The following GLIS2 variants were observed in gnomAD, a reference collection of about 807,000 sequenced individuals.
GLIS2 encodes the protein GLIS family zinc finger 2, also known as zinc finger protein GLIS2.
GLIS2 carries 14 observed loss-of-function variants against 35.6 expected under a neutral mutation model. The observed-to-expected ratio is 0.39, with a 90% CI of 0.26 to 0.61. The LOEUF is 0.61. Ranked by LOEUF, GLIS2 falls within the 20% of genes least tolerant of loss-of-function variation. The pLI is 0.48. For synonymous variants in GLIS2, 368 were observed against 325.1 expected (o/e 1.13, Z -1.42); for missense variants, 675 against 713.4 (o/e 0.95, Z 0.61).
Position 4,332,588 on chromosome 16 carries a change from C to G in GLIS2, c.172+136C>G, listed in dbSNP as rs2053509993. 2.0e-6 allele frequency: 2 copies of G among 1,016,676 alleles called. No individual in the cohort carries two copies. The highest frequency in any genetic ancestry group is 3.1e-5 in the African/African-American group (2 of 63,528). 63.0% of individuals were successfully genotyped at this position (1,016,676 alleles called of 1,614,324 possible). A position where few individuals can be genotyped will look rare whatever the true frequency, so the allele number is the denominator to read the frequency against. ...GTTCATGGGAAGCCCGCACGCTTGTCCTTCCATCCGCCCAGCATCGTATGT... is the reference window on the plus strand; with the variant it reads ...GTTCATGGGAAGCCCGCACGCTTGTGCTTCCATCCGCCCAGCATCGTATGT... On this transcript the variant is annotated intron_variant, in intron 2 of 6. Coordinates refer to ENST00000433375, the MANE Select transcript of GLIS2 (RefSeq NM_032575.3). The surrounding 1 kb of genome is among the most constrained non-coding windows in gnomAD (Gnocchi z 5.4).
chr16:4,323,621 G>A (rs1319544554), intron 1 of GLIS2, among the ~76,000 whole-genome samples: 1 of 152,188 alleles, frequency 6.6e-6, no homozygotes. Flanking sequence ...TGCTGGCGTT[G>A]GAGAAGGAAG....
rs1401553605 is a variant in GLIS2 at position 4,337,533 on chromosome 16, T to C, written c.*9T>C. ...CGGCTGTGGTGAACTGAGCCCATCC[T>C]GCGGACAGTTGTGGTGCCCCCCCGG... is the stretch of plus-strand genomic sequence containing the variant. On this transcript the variant is annotated 3_prime_UTR_variant, in exon 7 of 7. Transcript: ENST00000433375. The C allele has an allele frequency of 1.3e-6, 2 of 1,550,450 alleles. No homozygotes were observed. Among genetic ancestry groups the C allele is most frequent in the Admixed American group, 3.8e-5 (2 of 52,604 alleles).
chr16:4,336,954 C>T lies in GLIS2; in HGVS notation c.1005C>T (p.Pro335=). 1 of 1,610,138 alleles carries T rather than the reference C, an allele frequency of 6.2e-7. No individual in the cohort carries two copies. Among genetic ancestry groups the T allele is most frequent in the Non-Finnish European group, 8.5e-7 (1 of 1,179,202 alleles). ...AGCTCCTGCAGCTGCGCCCACCCCC[C>T]AAGCCGCCACTGCCCGCCCCCGACG... ...QQELLQLRPP[P]KPPLPAPDGG... is the part of the protein sequence containing the mutation. The change falls in exon 7 of 7, where the codon CCC becomes CCT. Residue 335 remains proline, a synonymous_variant. Coordinates refer to ENST00000433375, the MANE Select transcript of GLIS2 (RefSeq NM_032575.3).
At chr16:4,316,571 G>A (rs1416087921) in intron 1 of GLIS2, among the ~76,000 whole-genome samples, 1 of 151,974 alleles carries the variant, frequency 6.6e-6, no homozygotes, top group Non-Finnish European at 1.5e-5. Flanking sequence ...GGGAAGTTGG[G>A]CGGCCGCGGT....
chr16:4,336,741 C>T lies in GLIS2; in HGVS notation c.792C>T (p.Val264=). The T allele has an allele frequency of 6.2e-7, 1 of 1,605,348 alleles. No individual in the cohort carries two copies. Among genetic ancestry groups the T allele is most frequent in the Non-Finnish European group, 8.5e-7 (1 of 1,176,400 alleles). ...NRSHTGEKPY[V]CPYEGCNKRY... The stretch of plus-strand genomic sequence containing the variant: ...ACCCTGCAGGTGAGAAGCCCTACGT[C>T]TGCCCCTACGAGGGCTGCAACAAGC... The change falls in exon 7 of 7, where the codon GTC becomes GTT. Residue 264 remains valine, a synonymous_variant. Transcript: ENST00000433375.
chr16:4,333,549 G>T, intron 3 of GLIS2, 30 bp downstream of exon 3: 5 of 1,589,828 alleles, frequency 3.1e-6, no homozygotes, highest in Non-Finnish European at 4.3e-6. Context: ...CCGGAGAGAG[G>T]GGTGGACTGG....
intron 1 of GLIS2, among the ~76,000 whole-genome samples, chr16:4,328,804 G>A (rs2053465920): frequency 1.3e-5 from 2 of 152,234 alleles, no homozygotes; most frequent in South Asian, 4.1e-4. Context: ...CAGGCCCTAA[G>A]AACAAGGTGA....
chr16:4,333,140 G>C (rs1029923111), intron 2 of GLIS2, among the ~76,000 whole-genome samples: 3 of 152,168 alleles, frequency 2.0e-5, no homozygotes, highest in African/African-American at 7.2e-5. Context: ...CGGCTCACGG[G>C]GGCCAAGCTC....
chr16:4,324,342 G>C (rs1178616515), intron 1 of GLIS2, among the ~76,000 whole-genome samples: 3 of 152,214 alleles, frequency 2.0e-5, no homozygotes, highest in South Asian at 2.1e-4. Flanking sequence ...GAGGAGGCCT[G>C]TCTGCGGCCA....
chr16:4,332,422 A>C lies in GLIS2; in HGVS notation c.142A>C (p.Thr48Pro), dbSNP rs1477712531. 4 of 1,612,354 alleles carry C rather than the reference A, an allele frequency of 2.5e-6. No homozygotes were observed. Among genetic ancestry groups the C allele is most frequent in the East Asian group, 2.2e-5 (1 of 44,898 alleles). The change falls in exon 2 of 7, where the codon ACA becomes CCA. Residue 48 changes from threonine (T) to proline (P), a missense_variant. By Grantham distance (38) the Thr-to-Pro change is conservative. Transcript: ENST00000433375. This position sits in a 1 kb window ranked among gnomAD's most constrained non-coding sequence, Gnocchi z 5.4. ...RELGLVDDSP[T>P]PGSPGSPPSG... is the part of the protein sequence containing the mutation. ...GCTGGGCCTGGTGGATGACAGCCCC[A>C]CACCTGGCTCTCCAGGCTCCCCGCC...
chr16:4,336,513 C>A, intron 6 of GLIS2: 1 of 655,554 alleles, frequency 1.5e-6, no homozygotes, highest in South Asian at 1.7e-5. Context: ...CGAGGCTAGG[C>A]AGAGCTGGAG....
In GLIS2 at chr16:4,337,491, C is replaced by T. The variant is rs1418752710; in HGVS notation, c.1542C>T (p.Gly514=). 2 of 1,566,014 alleles carry T rather than the reference C, an allele frequency of 1.3e-6. No individual in the cohort carries two copies. The highest frequency in any genetic ancestry group is 1.7e-6 in the Non-Finnish European group (2 of 1,160,606). Reference sequence around the variant, plus strand: ...CTGGCTGGGTGGTCATCCCGCCGGGCTCGGTGCTGCTCAAACCGGCTGTGG... The same window carrying T: ...CTGGCTGGGTGGTCATCCCGCCGGGTTCGGTGCTGCTCAAACCGGCTGTGG... ...LAPGWVVIPP[G]SVLLKPAVVN is the part of the protein sequence containing the mutation. The change falls in exon 7 of 7, where the codon GGC becomes GGT. Residue 514 remains glycine (G), a synonymous_variant. Transcript: ENST00000433375.
chr16:4,333,468 G>C lies in GLIS2; in HGVS notation c.294G>C (p.Leu98=). The change falls in exon 3 of 7, where the codon CTG becomes CTC. Residue 98 remains leucine (L), a synonymous_variant. Transcript: ENST00000433375. ...ACTCCCCCAATGGCAGCAGCTCGCTGTCCCCCGAGCGCCAGGGCAACGGGG... is the reference window on the plus strand; with the variant it reads ...ACTCCCCCAATGGCAGCAGCTCGCTCTCCCCCGAGCGCCAGGGCAACGGGG... The part of the protein sequence containing the change: ...GLDSPNGSSS[L]SPERQGNGDL... The C allele has an allele frequency of 1.2e-6, 2 of 1,612,644 alleles. No individual in the cohort carries two copies. The highest frequency in any genetic ancestry group is 1.7e-6 in the Non-Finnish European group (2 of 1,179,896).
intron 1 of GLIS2, among the ~76,000 whole-genome samples, chr16:4,325,070 C>G (rs909272261): frequency 6.6e-6 from 1 of 152,174 alleles, no homozygotes; most frequent in African/African-American, 2.4e-5. Flanking sequence ...GCTGTGGGGC[C>G]GTTTGCTTTG....
At chr16:4,334,263 G>C (rs183446827) in intron 3 of GLIS2, among the ~76,000 whole-genome samples, 3,558 of 138,702 alleles carry the variant, frequency 0.026, 165 homozygotes, top group African/African-American at 0.092. Context: ...TTTTAAACAG[G>C]GTCTAGCTCT....
chr16:4,332,837 G>A lies in GLIS2; in HGVS notation c.172+385G>A, dbSNP rs971284835. Among the ~76,000 whole-genome samples, 4 of 152,200 alleles carry A rather than the reference G, an allele frequency of 2.6e-5. No homozygotes were observed. Among genetic ancestry groups the A allele is most frequent in the Non-Finnish European group, 5.9e-5 (4 of 68,034 alleles). ...CAGGAGGTGCCTCTCAGGGATTCCCGGTGCTTGGGCCCAGGGTGGTGGGCA... is the reference window on the plus strand; with the variant it reads ...CAGGAGGTGCCTCTCAGGGATTCCCAGTGCTTGGGCCCAGGGTGGTGGGCA... On this transcript the variant is annotated intron_variant, in intron 2 of 6. Coordinates refer to ENST00000433375, the MANE Select transcript of GLIS2 (RefSeq NM_032575.3). This position sits in a 1 kb window ranked among gnomAD's most constrained non-coding sequence, Gnocchi z 5.4.
rs1173622386 is a variant in GLIS2, at chr16:4,337,638, C to G, written c.*114C>G. 2 of 1,446,540 alleles carry G rather than the reference C, an allele frequency of 1.4e-6. No homozygotes were observed. The highest frequency in any genetic ancestry group is 1.9e-6 in the Non-Finnish European group (2 of 1,068,238). The allele number at this position is 1,446,540 out of a possible 1,614,324, so 89.6% of individuals were successfully genotyped here. The stretch of plus-strand genomic sequence containing the variant: ...TGTCCTACTGCCCGGGCAGCCCCAG[C>G]CCAGCCCGCCGGGAGCAAGGATGGT... On this transcript the variant is annotated 3_prime_UTR_variant, in exon 7 of 7. Transcript: ENST00000433375.
chr16:4,325,726 G>A (rs2053423086), intron 1 of GLIS2, among the ~76,000 whole-genome samples: 1 of 151,114 alleles, frequency 6.6e-6, no homozygotes, highest in Non-Finnish European at 1.5e-5. Flanking sequence ...CCAGGAGATC[G>A]AGACCAGCCT....
chr16:4,332,476 G>A lies in GLIS2; in HGVS notation c.172+24G>A. ...AGGTACTGGCCCTGGGCAGGGCAGG[G>A]GGACTTAGCCCTGATCCAGTCATGG... On this transcript the variant is annotated intron_variant, in intron 2 of 6. Transcript: ENST00000433375. The surrounding 1 kb of genome is among the most constrained non-coding windows in gnomAD (Gnocchi z 5.4). 6.2e-7 allele frequency: 1 copy of A among 1,607,268 alleles called. No homozygotes were observed. The highest frequency in any genetic ancestry group is 8.5e-7 in the Non-Finnish European group (1 of 1,179,324).
Sources: gnomAD v4.1 joint callset for allele counts (sites outside exome capture counted in the v4.1 genomes callset) on GRCh38, gnomAD v4.1.1 for gene constraint, Gnocchi (gnomAD v3.1) non-coding constraint, MANE v1.5 for transcripts, NCBI Gene and HGNC (gene_info 2026-07-23, HGNC 2026-07-21) for gene names.